Variants in MAF observed in about 807,000 individuals in gnomAD.
MAF encodes MAF bZIP transcription factor.
A neutral mutation model predicts 22.0 loss-of-function variants in MAF; 10 were observed. The ratio of observed to expected loss-of-function variants is 0.45; its 90% CI spans 0.28 to 0.77. MAF has a LOEUF of 0.77. Among genes scored for constraint, MAF ranks in the 30% least tolerant of loss-of-function variants. MAF has a pLI of 0.12. For synonymous variants in MAF, 337 were observed against 255.8 expected, an observed-to-expected ratio of 1.32 and a Z score of -3.03; for missense variants, 544 against 548.4, an observed-to-expected ratio of 0.99 and a Z score of 0.08.
intron 1 of MAF, among the ~76,000 whole-genome samples, chr16:79,586,699 ATAAT>A (rs1258742534): frequency 6.6e-6 from 1 of 152,262 alleles, no homozygotes; most frequent in East Asian, 1.9e-4. Flanking sequence ...AAGTGGCAAA[ATAAT>A]TATCATTTAC....
the MAF span, among the ~76,000 whole-genome samples, chr16:79,305,620 A>C: frequency 1.3e-5 from 2 of 152,148 alleles, no homozygotes; most frequent in Admixed American, 6.5e-5. Flanking sequence ...TGCACCAGAG[A>C]GATAATAGAT....
the MAF span, among the ~76,000 whole-genome samples, chr16:79,241,872 G>C: frequency 3.3e-5 from 5 of 152,186 alleles, no homozygotes; most frequent in East Asian, 9.6e-4. Context: ...AGCCAGAAGA[G>C]AGTGGGGGCC....
At chr16:79,355,537 T>G in the MAF span, among the ~76,000 whole-genome samples, 1 of 152,214 alleles carries the variant, frequency 6.6e-6, no homozygotes, top group African/African-American at 2.4e-5. Flanking sequence ...ATGAATGTAT[T>G]GCTCTGGCCT....
At chr16:79,429,750 G>C in the MAF span, among the ~76,000 whole-genome samples, 2 of 152,030 alleles carry the variant, frequency 1.3e-5, no homozygotes, top group African/African-American at 4.8e-5. Context: ...TGGATTCCTT[G>C]TGTCTGGTGC....
At chr16:79,534,668 A>G in the MAF span, among the ~76,000 whole-genome samples, 1 of 152,176 alleles carries the variant, frequency 6.6e-6, no homozygotes, top group South Asian at 2.1e-4. Context: ...GCACACCAAC[A>G]TGGCACATGT....
chr16:79,409,623 C>A, the MAF span, among the ~76,000 whole-genome samples: 1 of 152,200 alleles, frequency 6.6e-6, no homozygotes, highest in Non-Finnish European at 1.5e-5. Flanking sequence ...TCAGCCAAAC[C>A]CAGCTCACTG....
the MAF span, among the ~76,000 whole-genome samples, chr16:79,530,030 G>A: frequency 6.6e-6 from 1 of 152,104 alleles, no homozygotes; most frequent in Non-Finnish European, 1.5e-5. Flanking sequence ...TTTATCAAGT[G>A]TCAGGAGAGT....
the MAF span, among the ~76,000 whole-genome samples, chr16:79,561,052 G>C: frequency 6.6e-6 from 1 of 152,162 alleles, no homozygotes; most frequent in African/African-American, 2.4e-5. Context: ...TTTAGTCTAA[G>C]TCTTTGCTTT....
chr16:79,264,587 T>C, the MAF span: 1 of 152,198 alleles, frequency 6.6e-6, no homozygotes, highest in Non-Finnish European at 1.5e-5. Flanking sequence ...ACAGTTGAGC[T>C]CTATCCTCTC....
chr16:79,203,114 C>A, the MAF span: 1 of 152,176 alleles, frequency 6.6e-6, no homozygotes. Flanking sequence ...ACTAGCAACA[C>A]GCTGCTGGTG....
At chr16:79,358,390 C>T in the MAF span, among the ~76,000 whole-genome samples, 1 of 152,100 alleles carries the variant, frequency 6.6e-6, no homozygotes, top group African/African-American at 2.4e-5. Context: ...CCCTTGACCT[C>T]CCTCGTTCAC....
At chr16:79,323,841 T>A in the MAF span, among the ~76,000 whole-genome samples, 1 of 152,186 alleles carries the variant, frequency 6.6e-6, no homozygotes, top group African/African-American at 2.4e-5. Flanking sequence ...AGAAGTGATA[T>A]GACCTTGGGG....
the MAF span, among the ~76,000 whole-genome samples, chr16:79,214,076 C>A: frequency 6.6e-6 from 1 of 152,148 alleles, no homozygotes; most frequent in African/African-American, 2.4e-5. Flanking sequence ...CAGAAACCAG[C>A]ATGCCTTTCT....
At chr16:79,399,667 C>A in the MAF span, among the ~76,000 whole-genome samples, 3 of 152,114 alleles carry the variant, frequency 2.0e-5, no homozygotes, top group Admixed American at 1.3e-4. Flanking sequence ...GATACAGTTT[C>A]CAGAGCCCTT....
At chr16:79,334,845 GTGTGTGTGTGTGTGTGTA>G in the MAF span, among the ~76,000 whole-genome samples, 3 of 89,052 alleles carry the variant, frequency 3.4e-5, no homozygotes, top group African/African-American at 9.9e-5. Flanking sequence ...TAAAGTGTGT[GTGTGTGTGTGTGTGTGTA>G]TGTGTGTGTG....
At chr16:79,513,154 G>A in the MAF span, among the ~76,000 whole-genome samples, 1 of 152,248 alleles carries the variant, frequency 6.6e-6, no homozygotes, top group African/African-American at 2.4e-5. Context: ...CCAGGGTGGA[G>A]GACAGACCAA....
chr16:79,594,899 T>G (rs888505186), intron 1 of MAF: 1 of 1,197,476 alleles, frequency 8.4e-7, no homozygotes, highest in African/African-American at 1.5e-5. Context: ...CTTATTATAT[T>G]CAACTACCTT....
chr16:79,256,829 G>C, the MAF span, among the ~76,000 whole-genome samples: 2 of 152,060 alleles, frequency 1.3e-5, no homozygotes, highest in Non-Finnish European at 2.9e-5. Context: ...GTGAGTCTAG[G>C]CATGGGATCA....
chr16:79,574,442 G>C, the MAF span, among the ~76,000 whole-genome samples: 1 of 152,126 alleles, frequency 6.6e-6, no homozygotes, highest in South Asian at 2.1e-4. Flanking sequence ...TTTCTCTGCA[G>C]AATGTTTTTA....
Sources: gnomAD v4.1 joint callset for allele counts (sites outside exome capture counted in the v4.1 genomes callset) on GRCh38, gnomAD v4.1.1 for gene constraint, MANE v1.5 for transcripts, NCBI Gene and HGNC (gene_info 2026-07-23, HGNC 2026-07-21) for gene names.